Variants in IMMP2L observed in about 807,000 individuals in gnomAD.
The protein encoded by IMMP2L is mitochondrial inner membrane protease subunit 2.
In IMMP2L, 18 loss-of-function variants were observed where a neutral mutation model predicts 19.3. The observed-to-expected ratio is 0.93, with a 90% CI of 0.64 to 1.38. The LOEUF (loss-of-function observed/expected upper bound fraction) is 1.38, where lower values mean the gene tolerates loss of function less well. Among genes scored for constraint, IMMP2L ranks in the 40% most tolerant of loss-of-function variants. IMMP2L has a pLI of 0.00. For missense variants in IMMP2L, 233 were observed against 218.2 expected, an observed-to-expected ratio of 1.07 and a Z score of -0.43; for synonymous variants, 76 against 73.0, an observed-to-expected ratio of 1.04 and a Z score of -0.21.
At chr7:111,527,780 C>A (rs776894064) in intron 1 of IMMP2L, among the ~76,000 whole-genome samples, 29 of 152,216 alleles carry the variant, frequency 1.9e-4, no homozygotes, top group Middle Eastern at 6.8e-3. Context: ...AGCATTGCTA[C>A]CATCGCCTGC....
At chr7:111,242,357 T>A (rs1032984630) in intron 3 of IMMP2L, among the ~76,000 whole-genome samples, 1 of 152,096 alleles carries the variant, frequency 6.6e-6, no homozygotes, top group African/African-American at 2.4e-5. Context: ...GAAGTCCAAT[T>A]TGTTTGTGGA....
At chr7:111,086,845 C>T (rs1217751222) in intron 3 of IMMP2L, among the ~76,000 whole-genome samples, 2 of 152,338 alleles carry the variant, frequency 1.3e-5, no homozygotes, top group East Asian at 1.9e-4. Flanking sequence ...GTCATCAAAC[C>T]TGAACAACCA....
intron 5 of IMMP2L, among the ~76,000 whole-genome samples, chr7:110,697,641 A>G (rs919924625): frequency 7.9e-5 from 12 of 152,088 alleles, no homozygotes; most frequent in Non-Finnish European, 1.5e-4. Context: ...TGTCTCTACA[A>G]AAAATTAGCT....
chr7:110,993,337 AG>A (rs1419294638), intron 3 of IMMP2L, among the ~76,000 whole-genome samples: 7 of 152,158 alleles, frequency 4.6e-5, no homozygotes, highest in African/African-American at 7.2e-5. Context: ...TGCTCTAAAC[AG>A]GTCTCACAGA....
chr7:111,352,921 C>T (rs1292053743), intron 3 of IMMP2L, among the ~76,000 whole-genome samples: 1 of 152,150 alleles, frequency 6.6e-6, no homozygotes, highest in African/African-American at 2.4e-5. Flanking sequence ...GGTCTTGCAT[C>T]CAGCTCCCTT....
At chr7:111,424,253 C>T (rs1015747512) in intron 3 of IMMP2L, among the ~76,000 whole-genome samples, 27 of 151,530 alleles carry the variant, frequency 1.8e-4, no homozygotes, top group African/African-American at 1.2e-4. Context: ...ACTGTTACAA[C>T]GCAAGTGCAC....
chr7:111,429,158 C>T (rs909204183), intron 3 of IMMP2L, among the ~76,000 whole-genome samples: 10 of 151,720 alleles, frequency 6.6e-5, no homozygotes, highest in African/African-American at 1.2e-4. Flanking sequence ...CTAGGTGTTG[C>T]CCATGAGCTT....
intron 5 of IMMP2L, among the ~76,000 whole-genome samples, chr7:110,814,700 G>GATATAT (rs143894798): frequency 0.082 from 11,867 of 143,868 alleles, 701 homozygotes; most frequent in African/African-American, 0.17. Context: ...GTCAAGTACA[G>GATATAT]ATATATATAT....
chr7:111,391,594 C>T (rs1455786307), intron 3 of IMMP2L, among the ~76,000 whole-genome samples: 1 of 152,150 alleles, frequency 6.6e-6, no homozygotes, highest in Non-Finnish European at 1.5e-5. Flanking sequence ...TAGGATTCTA[C>T]ACTCAGATTG....
At chr7:111,382,406 GA>G (rs1253969106) in intron 3 of IMMP2L, among the ~76,000 whole-genome samples, 2 of 152,038 alleles carry the variant, frequency 1.3e-5, no homozygotes, top group Non-Finnish European at 2.9e-5. Context: ...TGACCTTCAT[GA>G]AGGCGATCCC....
At chr7:110,782,228 T>C (rs1402962762) in intron 5 of IMMP2L, among the ~76,000 whole-genome samples, 1 of 151,890 alleles carries the variant, frequency 6.6e-6, no homozygotes, top group African/African-American at 2.4e-5. Flanking sequence ...ACAAACATAT[T>C]TTAAGCCTAA....
At chr7:111,180,256 C>T (rs189469246) in intron 3 of IMMP2L, among the ~76,000 whole-genome samples, 1 of 152,118 alleles carries the variant, frequency 6.6e-6, no homozygotes, top group African/African-American at 2.4e-5. Context: ...TAGATTTTCA[C>T]TTAAAGTGAG....
chr7:111,040,597 T>C (rs1791800806), intron 3 of IMMP2L, among the ~76,000 whole-genome samples: 1 of 150,796 alleles, frequency 6.6e-6, no homozygotes, highest in Non-Finnish European at 1.5e-5. Context: ...GATATAAATA[T>C]CAGGTACAGC....
intron 3 of IMMP2L, among the ~76,000 whole-genome samples, chr7:111,400,516 C>T (rs1433217483): frequency 6.6e-6 from 1 of 152,096 alleles, no homozygotes; most frequent in Non-Finnish European, 1.5e-5. Context: ...TCCAGACTTC[C>T]TTGACCTTCT....
chr7:110,958,863 G>A (rs565011966), intron 4 of IMMP2L, among the ~76,000 whole-genome samples: 1 of 152,136 alleles, frequency 6.6e-6, no homozygotes, highest in South Asian at 2.1e-4. Context: ...TCAAAGCACA[G>A]ATCGGCAAAA....
At chr7:111,102,453 C>G (rs1798076920) in intron 3 of IMMP2L, among the ~76,000 whole-genome samples, 1 of 151,500 alleles carries the variant, frequency 6.6e-6, no homozygotes, top group South Asian at 2.1e-4. Context: ...CAAGATGTCT[C>G]TTTAGATTGT....
chr7:110,773,107 T>C (rs1006624054), intron 5 of IMMP2L, among the ~76,000 whole-genome samples: 3 of 152,116 alleles, frequency 2.0e-5, no homozygotes, highest in Admixed American at 6.6e-5. Flanking sequence ...AAAAGGGTTC[T>C]GGTCATCTTG....
intron 3 of IMMP2L, among the ~76,000 whole-genome samples, chr7:111,274,571 T>C (rs1270036380): frequency 6.6e-6 from 1 of 152,192 alleles, no homozygotes; most frequent in African/African-American, 2.4e-5. Flanking sequence ...TAGCAGGTTA[T>C]CTATTGTCCC....
Position 110,676,873 on chromosome 7 carries a change from G to A in IMMP2L, c.409-13152C>T, listed in dbSNP as rs534502175. Reference sequence around the variant, plus strand: ...ATTGGGTACCACAAAGGAGGATGTTGCCCTTATAATCACTGCTGAGACCAG... The same window carrying A: ...ATTGGGTACCACAAAGGAGGATGTTACCCTTATAATCACTGCTGAGACCAG... On this transcript the variant is annotated intron_variant, in intron 5 of 5. Coordinates refer to ENST00000405709, the MANE Select transcript of IMMP2L (RefSeq NM_032549.4). Among the ~76,000 whole-genome samples, 30 of 152,268 alleles carry A rather than the reference G, an allele frequency of 2.0e-4. No individual in the cohort carries two copies. The East Asian group carries it at 3.9e-3, about 20-fold the overall frequency.
Sources: gnomAD v4.1 joint callset for allele counts (sites outside exome capture counted in the v4.1 genomes callset) on GRCh38, gnomAD v4.1.1 for gene constraint, MANE v1.5 for transcripts, NCBI Gene and HGNC (gene_info 2026-07-23, HGNC 2026-07-21) for gene names.